MLEC: variants seen among roughly 807,000 people sequenced by gnomAD.
MLEC encodes the protein oligosaccharyltransferase complex subunit (non-catalytic).
In MLEC, 7 loss-of-function variants were observed where a neutral mutation model predicts 28.7. The ratio of observed to expected loss-of-function variants is 0.24; its 90% confidence interval spans 0.14 to 0.46. MLEC has a LOEUF of 0.46. Among genes scored for constraint, MLEC ranks in the 20% least tolerant of loss-of-function variants. The pLI is 0.99. For missense variants in MLEC, 237 were observed against 391.1 expected (o/e 0.61, Z 3.32); for synonymous variants, 142 against 164.4 (o/e 0.86, Z 1.04).
Position 120,694,394 on chromosome 12 carries a change from C to CAG in MLEC, c.414+126_414+127insGA. 2 of 1,008,980 alleles carry CAG rather than the reference C, an allele frequency of 2.0e-6. No homozygotes were observed. The highest frequency in any genetic ancestry group is 2.9e-6 in the Non-Finnish European group (2 of 694,380). 62.5% of individuals were successfully genotyped at this position (1,008,980 alleles called of 1,614,324 possible). On this transcript the variant is annotated intron_variant, in intron 2 of 4. Transcript: ENST00000228506. The surrounding 1 kb of genome is among the most constrained non-coding windows in gnomAD (Gnocchi z 4.5). ...GCAGAACAGATGAGCTCTAGAGAAG[C>CAG]ATGTTCCATAGTGCACAAGGCTGCA... is the stretch of plus-strand genomic sequence containing the variant.
rs1184651417 is a variant in MLEC, at chr12:120,696,317, T to C, written c.651T>C (p.Asp217=). 6.2e-7 allele frequency: 1 copy of C among 1,613,984 alleles called. No homozygotes were observed. The highest frequency in any genetic ancestry group is 1.1e-5 in the South Asian group (1 of 91,054). The change falls in exon 5 of 5, where the codon GAT becomes GAC. Residue 217 remains aspartate (D), a splice_region_variant and synonymous_variant. Coordinates refer to ENST00000228506, the MANE Select transcript of MLEC (RefSeq NM_014730.4). This position sits in a 1 kb window ranked among gnomAD's most constrained non-coding sequence, Gnocchi z 5.4. The part of the protein sequence containing the change: ...ALYIMAGTVD[D]VPKLQPHPGL... The stretch of plus-strand genomic sequence containing the variant: ...ACAGTGTTTTCTTCCTTGTGTTAGA[T>C]GTACCAAAGCTTCAGCCTCATCCGG...
At chr12:120,691,864 A>G (rs184415157) in intron 1 of MLEC, among the ~76,000 whole-genome samples, 8 of 152,336 alleles carry the variant, frequency 5.3e-5, no homozygotes, top group African/African-American at 9.6e-5. Flanking sequence ...TTGGCAAGAA[A>G]AAAAAAAAGA....
chr12:120,693,988 G>C (rs1311887831), intron 1 of MLEC, 103 bp from the exon 2 acceptor site: 8 of 1,098,392 alleles, frequency 7.3e-6, no homozygotes, highest in African/African-American at 6.4e-5. Flanking sequence ...TTATGGAGAG[G>C]GTTATTAGCA....
rs1231078402 is a variant in MLEC at position 120,696,545 on chromosome 12, A to AG, written c.*1dup. 6.2e-7 allele frequency: 1 copy of AG among 1,614,144 alleles called. No homozygotes were observed. On this transcript the variant is annotated 3_prime_UTR_variant, in exon 5 of 5. Coordinates refer to ENST00000228506, the MANE Select transcript of MLEC (RefSeq NM_014730.4). The surrounding 1 kb of genome is among the most constrained non-coding windows in gnomAD (Gnocchi z 5.4). ...CCCTCTTCTGCCTCTGCCGGTTGTGAGAACAAATGACTATCCTGAACAGGG... is the reference window on the plus strand; with the variant it reads ...CCCTCTTCTGCCTCTGCCGGTTGTGAGGAACAAATGACTATCCTGAACAGGG...
chr12:120,692,275 TG>T (rs1282826645), intron 1 of MLEC, among the ~76,000 whole-genome samples: 9 of 152,220 alleles, frequency 5.9e-5, no homozygotes, highest in Admixed American at 5.9e-4. Context: ...ACAGTCCTCA[TG>T]GAAGAAGGAA....
Position 120,687,470 on chromosome 12 carries a change from G to A in MLEC, c.174G>A (p.Ala58=), listed in dbSNP as rs745594964. ...VIWAVNAGGE[A]HVDVHGIHFR... ...GGGCGGTCAACGCGGGTGGAGAGGC[G>A]CATGTGGACGTGCACGGGATCCACT... The change falls in exon 1 of 5, where the codon GCG becomes GCA. Residue 58 remains alanine, a synonymous_variant. Transcript: ENST00000228506. The surrounding 1 kb of genome is among the most constrained non-coding windows in gnomAD (Gnocchi z 8.1). 3.5e-6 allele frequency: 5 copies of A among 1,424,900 alleles called. No homozygotes were observed. The highest frequency in any genetic ancestry group is 2.9e-5 in the Admixed American group (1 of 34,742). 88.3% of individuals were successfully genotyped at this position (1,424,900 alleles called of 1,614,324 possible).
intron 1 of MLEC, among the ~76,000 whole-genome samples, chr12:120,692,242 G>A (rs1409026078): frequency 6.6e-6 from 1 of 152,130 alleles, no homozygotes; most frequent in Non-Finnish European, 1.5e-5. Context: ...AAATGTAGTC[G>A]ATGTTCCAGA....
At chr12:120,695,842 A>G (rs1185522640) in intron 4 of MLEC, among the ~76,000 whole-genome samples, 1 of 152,184 alleles carries the variant, frequency 6.6e-6, no homozygotes, top group East Asian at 1.9e-4. Flanking sequence ...AGGAGGATGA[A>G]TGTCTTACCA....
chr12:120,694,185 C>T lies in MLEC; in HGVS notation c.330C>T (p.Gly110=). 6.2e-7 allele frequency: 1 copy of T among 1,614,188 alleles called. No homozygotes were observed. Among genetic ancestry groups the T allele is most frequent in the African/African-American group, 1.3e-5 (1 of 75,044 alleles). Residue 110 remains glycine, a synonymous_variant, in exon 2 of 5, where the codon GGC becomes GGT. Transcript: ENST00000228506. This position sits in a 1 kb window ranked among gnomAD's most constrained non-coding sequence, Gnocchi z 4.5. ...AGCGGTACAATGAGGAGACCTTTGGCTACGAAGTGCCCATCAAAGAGGAGG... is the reference window on the plus strand; with the variant it reads ...AGCGGTACAATGAGGAGACCTTTGGTTACGAAGTGCCCATCAAAGAGGAGG... The part of the protein sequence containing the change: ...QTERYNEETF[G]YEVPIKEEGD...
chr12:120,697,070 TAAAA>T lies in MLEC; in HGVS notation c.*531_*534del, dbSNP rs541057059. ...GACTTAAAAAAAAAAGTAGGGAGAT[TAAAA>T]AAAAAGAAAGAAAATGCTTCCTTAT... On this transcript the variant is annotated 3_prime_UTR_variant, in exon 5 of 5. Coordinates refer to ENST00000228506, the MANE Select transcript of MLEC (RefSeq NM_014730.4). The surrounding 1 kb of genome is among the most constrained non-coding windows in gnomAD (Gnocchi z 4.8). The T allele has an allele frequency of 2.0e-5, 3 of 151,974 alleles. No individual in the cohort carries two copies. Among genetic ancestry groups the T allele is most frequent in the African/African-American group, 7.3e-5 (3 of 41,150 alleles). 9.4% of individuals were successfully genotyped at this position (151,974 alleles called of 1,614,324 possible).
At chr12:120,691,875 T>C (rs891895072) in intron 1 of MLEC, among the ~76,000 whole-genome samples, 1 of 152,106 alleles carries the variant, frequency 6.6e-6, no homozygotes, top group African/African-American at 2.4e-5. Flanking sequence ...AAAAAAAAGA[T>C]TCGGCCTGGT....
Position 120,687,251 on chromosome 12 carries a change from C to G in MLEC, c.-46C>G. 4 of 1,357,710 alleles carry G rather than the reference C, an allele frequency of 2.9e-6. No individual in the cohort carries two copies. Among genetic ancestry groups the G allele is most frequent in the Non-Finnish European group, 2.8e-6 (3 of 1,061,250 alleles). 84.1% of individuals were successfully genotyped at this position (1,357,710 alleles called of 1,614,324 possible). A position where few individuals can be genotyped will look rare whatever the true frequency, so the allele number is the denominator to read the frequency against. On this transcript the variant is annotated 5_prime_UTR_variant, in exon 1 of 5. Transcript: ENST00000228506. This position sits in a 1 kb window ranked among gnomAD's most constrained non-coding sequence, Gnocchi z 8.1. The stretch of plus-strand genomic sequence containing the variant: ...GAGTCCGGGGTGGCCTGGCAGCCGG[C>G]CGAGGACGAGGGTCGGCGGGGGCTG...
rs545583757 is a variant in MLEC, at chr12:120,697,719, A to G, written c.*1174A>G. The G allele has an allele frequency of 6.5e-6, 1 of 152,708 alleles. No individual in the cohort carries two copies. Among genetic ancestry groups the G allele is most frequent in the African/African-American group, 2.4e-5 (1 of 41,568 alleles). 9.5% of individuals were successfully genotyped at this position (152,708 alleles called of 1,614,324 possible). On this transcript the variant is annotated 3_prime_UTR_variant, in exon 5 of 5. Coordinates refer to ENST00000228506, the MANE Select transcript of MLEC (RefSeq NM_014730.4). The surrounding 1 kb of genome is among the most constrained non-coding windows in gnomAD (Gnocchi z 4.8). ...TTAGAGTGTCTGGTATCTGATGTTC[A>G]TTTATTCCCATGTTCTTGTGTGTCA... is the stretch of plus-strand genomic sequence containing the variant.
rs187373714 is a variant in MLEC at position 120,698,221 on chromosome 12, G to A, written c.*1676G>A. 4.0e-4 allele frequency: 61 copies of A among 152,260 alleles called. No homozygotes were observed. Among genetic ancestry groups the A allele is most frequent in the African/African-American group, 1.4e-3 (59 of 41,562 alleles). The allele number at this position is 152,260 out of a possible 1,614,324, so 9.4% of individuals were successfully genotyped here. On this transcript the variant is annotated 3_prime_UTR_variant, in exon 5 of 5. Coordinates refer to ENST00000228506, the MANE Select transcript of MLEC (RefSeq NM_014730.4). ...ATTTTGAGTTTGCTTTATTAGATAT[G>A]TTTTTTAAGAGCTCTGTATATTTGA...
At chr12:120,695,512 G>GA (rs1566014411) in intron 4 of MLEC, among the ~76,000 whole-genome samples, 2 of 152,020 alleles carry the variant, frequency 1.3e-5, no homozygotes, top group Admixed American at 6.5e-5. Context: ...TTTCCTAGGG[G>GA]AAAAAAAGGT....
chr12:120,694,041 T>C lies in MLEC; in HGVS notation c.236-50T>C, dbSNP rs369531998. Reference sequence around the variant, plus strand: ...CTGGCTGTTCTGGGGTCTTTGCTTTTCTTTTGTGTCTTGCCTCTGATGTGC... The same window carrying C: ...CTGGCTGTTCTGGGGTCTTTGCTTTCCTTTTGTGTCTTGCCTCTGATGTGC... On this transcript the variant is annotated intron_variant, in intron 1 of 4. Transcript: ENST00000228506. This position sits in a 1 kb window ranked among gnomAD's most constrained non-coding sequence, Gnocchi z 4.5. The C allele has an allele frequency of 1.8e-5, 28 of 1,556,996 alleles. No individual in the cohort carries two copies. The highest frequency in any genetic ancestry group is 2.4e-5 in the Non-Finnish European group (27 of 1,144,652).
Position 120,687,281 on chromosome 12 carries a change from CGTG to C in MLEC, c.-8_-6del, listed in dbSNP as rs1375128292. The C allele has an allele frequency of 7.3e-7, 1 of 1,374,400 alleles. No homozygotes were observed. The highest frequency in any genetic ancestry group is 9.3e-7 in the Non-Finnish European group (1 of 1,070,126). 85.1% of individuals were successfully genotyped at this position (1,374,400 alleles called of 1,614,324 possible). On this transcript the variant is annotated 5_prime_UTR_variant, in exon 1 of 5. Transcript: ENST00000228506. The surrounding 1 kb of genome is among the most constrained non-coding windows in gnomAD (Gnocchi z 8.1). ...GACGAGGGTCGGCGGGGGCTGCCCC[CGTG>C]GTGGTGGCCGCCATGCTGGGAGCCT... is the stretch of plus-strand genomic sequence containing the variant.
rs1882246012 is a variant in MLEC, at chr12:120,696,575, G to C, written c.*30G>C. On this transcript the variant is annotated 3_prime_UTR_variant, in exon 5 of 5. Coordinates refer to ENST00000228506, the MANE Select transcript of MLEC (RefSeq NM_014730.4). This position sits in a 1 kb window ranked among gnomAD's most constrained non-coding sequence, Gnocchi z 5.4. ...AAATGACTATCCTGAACAGGGTGGAGGGGTGTGGGAAAGAAACCAGCCATA... is the reference window on the plus strand; with the variant it reads ...AAATGACTATCCTGAACAGGGTGGACGGGTGTGGGAAAGAAACCAGCCATA... 6.2e-7 allele frequency: 1 copy of C among 1,607,504 alleles called. No individual in the cohort carries two copies. The highest frequency in any genetic ancestry group is 2.2e-5 in the East Asian group (1 of 44,792).
At chr12:120,692,012 T>C (rs749223783) in intron 1 of MLEC, among the ~76,000 whole-genome samples, 1 of 151,964 alleles carries the variant, frequency 6.6e-6, no homozygotes, top group Non-Finnish European at 1.5e-5. Flanking sequence ...TACAAAAAAT[T>C]AGCCGGGCGT....
Sources: gnomAD v4.1 joint callset for allele counts (sites outside exome capture counted in the v4.1 genomes callset) on GRCh38, gnomAD v4.1.1 for gene constraint, Gnocchi (gnomAD v3.1) non-coding constraint, MANE v1.5 for transcripts, NCBI Gene and HGNC (gene_info 2026-07-23, HGNC 2026-07-21) for gene names.